Variants in WDR27 observed in about 807,000 individuals in gnomAD.
WDR27 encodes the protein WD repeat-containing protein 27.
Under a neutral mutation model 114.4 loss-of-function variants are expected in WDR27, and 100 were observed. The ratio of observed to expected loss-of-function variants is 0.87; its 90% CI spans 0.74 to 1.03. WDR27 has a LOEUF of 1.03. Among genes scored for constraint, WDR27 ranks in the 50% least tolerant of loss-of-function variants. The pLI is 0.00. For synonymous variants in WDR27, 449 were observed against 423.1 expected (o/e 1.06, Z -0.75); for missense variants, 1,129 against 1,092.9 (o/e 1.03, Z -0.47).
intron 22 of WDR27, among the ~76,000 whole-genome samples, chr6:169,612,526 C>T (rs1165729495): frequency 6.7e-6 from 1 of 148,900 alleles, no homozygotes; most frequent in African/African-American, 2.5e-5. Flanking sequence ...GCAAGACAAT[C>T]CCTTGAGCTC....
intron 25 of WDR27, among the ~76,000 whole-genome samples, chr6:169,536,808 G>A (rs559477640): frequency 1.3e-5 from 2 of 152,126 alleles, no homozygotes; most frequent in African/African-American, 2.4e-5. Context: ...TTAAGACATC[G>A]TGTGTGGGTC....
chr6:169,633,695 T>A (rs188218799), intron 20 of WDR27, among the ~76,000 whole-genome samples: 1 of 152,350 alleles, frequency 6.6e-6, no homozygotes, highest in African/African-American at 2.4e-5. Flanking sequence ...AAGAGACCCG[T>A]AATGCTGGTG....
intron 25 of WDR27, among the ~76,000 whole-genome samples, chr6:169,478,071 AC>A (rs1264352719): frequency 6.6e-6 from 1 of 152,076 alleles, no homozygotes; most frequent in Non-Finnish European, 1.5e-5. Context: ...TCCTGAAAAA[AC>A]AAGATTGGAG....
intron 16 of WDR27, among the ~76,000 whole-genome samples, chr6:169,645,300 A>G (rs1344729960): frequency 6.6e-6 from 1 of 151,222 alleles, no homozygotes; most frequent in Non-Finnish European, 1.5e-5. Context: ...ACCGGGTCAT[A>G]CTGTAGAAAA....
At chr6:169,517,131 A>T (rs1025322953) in intron 25 of WDR27, among the ~76,000 whole-genome samples, 1 of 151,990 alleles carries the variant, frequency 6.6e-6, no homozygotes, top group African/African-American at 2.4e-5. Context: ...TGCAATGGTG[A>T]GTGAGTGCTC....
At chr6:169,531,159 T>G (rs1266387500) in intron 25 of WDR27, among the ~76,000 whole-genome samples, 1 of 152,246 alleles carries the variant, frequency 6.6e-6, no homozygotes, top group Non-Finnish European at 1.5e-5. Context: ...ATTTTGTACA[T>G]AAAAATGTAC....
intron 21 of WDR27, among the ~76,000 whole-genome samples, chr6:169,623,994 C>T (rs1814016992): frequency 6.6e-6 from 1 of 152,154 alleles, no homozygotes; most frequent in African/African-American, 2.4e-5. Context: ...GAGGTGAACA[C>T]CAGACACAGG....
chr6:169,672,141 C>G (rs915500642), intron 3 of WDR27, 114 bp downstream of exon 3: 113 of 1,101,010 alleles, frequency 1.0e-4, no homozygotes, highest in Non-Finnish European at 1.4e-4. Context: ...TCCCAAACCC[C>G]CCGAGGGACT....
At chr6:169,516,800 C>CACAT (rs1276720408) in intron 25 of WDR27, among the ~76,000 whole-genome samples, 1 of 149,964 alleles carries the variant, frequency 6.7e-6, no homozygotes, top group African/African-American at 2.5e-5. Flanking sequence ...CACACACACA[C>CACAT]ACACACACAC....
chr6:169,544,795 A>G (rs1168808435), intron 25 of WDR27, among the ~76,000 whole-genome samples: 1 of 152,224 alleles, frequency 6.6e-6, no homozygotes, highest in African/African-American at 2.4e-5. Flanking sequence ...TTTAAAACAC[A>G]GTATTATTTA....
intron 25 of WDR27, among the ~76,000 whole-genome samples, chr6:169,484,107 A>G (rs1314886841): frequency 6.6e-6 from 1 of 152,176 alleles, no homozygotes; most frequent in Admixed American, 6.5e-5. Flanking sequence ...CCCCTTGAAA[A>G]CTGACACAAG....
At chr6:169,456,779 C>A (rs1784363339), downstream of WDR27, among the ~76,000 whole-genome samples, 1 of 151,064 alleles carries the variant, frequency 6.6e-6, no homozygotes, top group Non-Finnish European at 1.5e-5. The surrounding 1 kb of genome is among the most constrained non-coding windows in gnomAD (Gnocchi z 4.0). Flanking sequence ...CGGGCAGAGA[C>A]CACGGTCACC....
intron 25 of WDR27, among the ~76,000 whole-genome samples, chr6:169,484,822 A>T (rs1232349387): frequency 6.6e-6 from 1 of 152,216 alleles, no homozygotes; most frequent in Non-Finnish European, 1.5e-5. Flanking sequence ...AAAAAGAGGC[A>T]CAGAGACCAA....
intron 6 of WDR27, chr6:169,666,427 A>G (rs1340793593): frequency 2.7e-5 from 27 of 985,358 alleles, no homozygotes; most frequent in African/African-American, 7.0e-5. Flanking sequence ...CGCATGGAAG[A>G]ACGCTCTCCT....
chr6:169,481,469 G>A (rs990626278), intron 25 of WDR27, among the ~76,000 whole-genome samples: 2 of 152,202 alleles, frequency 1.3e-5, no homozygotes, highest in African/African-American at 2.4e-5. Flanking sequence ...CCACGCTGTG[G>A]AAACCTTGTT....
chr6:169,487,107 G>A (rs1191410476), intron 25 of WDR27, among the ~76,000 whole-genome samples: 2 of 152,100 alleles, frequency 1.3e-5, no homozygotes, highest in Non-Finnish European at 2.9e-5. Flanking sequence ...GGAAAGTTAC[G>A]GAGTCTCACC....
At chr6:169,685,067 T>C (rs1782544030) in intron 2 of WDR27, among the ~76,000 whole-genome samples, 1 of 152,116 alleles carries the variant, frequency 6.6e-6, no homozygotes, top group Non-Finnish European at 1.5e-5. Flanking sequence ...CTAGTGTGGA[T>C]TACAACAGAA....
At chr6:169,434,596 C>A in the WDR27 span, among the ~76,000 whole-genome samples, 1 of 151,978 alleles carries the variant, frequency 6.6e-6, no homozygotes, top group Non-Finnish European at 1.5e-5. Flanking sequence ...TATGTTTTAG[C>A]AAAGAGACCT....
chr6:169,549,609 T>C (rs1797849696), intron 25 of WDR27, among the ~76,000 whole-genome samples: 1 of 152,214 alleles, frequency 6.6e-6, no homozygotes, highest in African/African-American at 2.4e-5. Flanking sequence ...TTGCAAAATA[T>C]GAAAGCTACA....
Sources: allele counts gnomAD v4.1 joint callset (sites outside exome capture counted in the v4.1 genomes callset), GRCh38; gene constraint gnomAD v4.1.1; non-coding constraint Gnocchi (gnomAD v3.1); transcripts MANE v1.5; gene names NCBI Gene and HGNC (gene_info 2026-07-23, HGNC 2026-07-21).